Variants in RBMX2 observed in about 807,000 individuals in gnomAD.
RBMX2 encodes RNA binding motif protein X-linked 2.
For missense variants in RBMX2, 191 were observed against 256.0 expected (o/e 0.75, Z 1.73); for synonymous variants, 77 against 94.3 (o/e 0.82, Z 1.07).
In RBMX2 at chrX:130,412,865, G is replaced by A. The variant is rs966407683; in HGVS notation, c.*17G>A. ...CGTCACTGAAGACTTCAGCTGCACA[G>A]TAGATTTGGAAATAATTATGTTTTT... On this transcript the variant is annotated 3_prime_UTR_variant, in exon 6 of 6. Transcript: ENST00000305536. The A allele has an allele frequency of 8.5e-6, 10 of 1,174,539 alleles. No individual in the cohort carries two copies. In the African/African-American group the frequency reaches 1.4e-4, roughly 17 times the overall value.
At chrX:130,402,159 T>G (rs758843941) in intron 1 of RBMX2, 96 bp from the exon 2 acceptor site, 3 of 1,159,662 alleles carry the variant, frequency 2.6e-6, no homozygotes, top group Admixed American at 2.6e-5. Context: ...CTGGAACAGC[T>G]CGTCCCCTAG....
intron 3 of RBMX2, among the ~76,000 whole-genome samples, chrX:130,406,607 A>G (rs1177003134): frequency 1.9e-5 from 2 of 103,468 alleles, no homozygotes; most frequent in African/African-American, 7.2e-5. Context: ...GGGAAGGTGG[A>G]GGTTGCAGTG....
At chrX:130,402,783 C>T (rs2034463097) in intron 2 of RBMX2, among the ~76,000 whole-genome samples, 1 of 111,551 alleles carries the variant, frequency 9.0e-6, no homozygotes, top group Admixed American at 9.5e-5. Context: ...CACCACCCTC[C>T]CCCATTCCCC....
At chrX:130,403,471 C>T (rs887606090) in intron 2 of RBMX2, among the ~76,000 whole-genome samples, 8 of 111,853 alleles carry the variant, frequency 7.2e-5, no homozygotes, top group African/African-American at 2.6e-4. Context: ...TGGGTTCAAG[C>T]GAGTCTCCTG....
chrX:130,411,063 G>T (rs758634639), intron 4 of RBMX2: 20 of 236,713 alleles, frequency 8.4e-5, no homozygotes, highest in African/African-American at 5.7e-4. Context: ...TCATTTTATG[G>T]CACATACAGA....
In RBMX2 at chrX:130,411,334, C is replaced by T; in HGVS notation, c.304-14C>T. The T allele has an allele frequency of 8.7e-7, 1 of 1,151,471 alleles. No homozygotes were observed. The highest frequency in any genetic ancestry group is 2.2e-5 in the South Asian group (1 of 45,830). 94.9% of individuals were successfully genotyped at this position (1,151,471 alleles called of 1,213,427 possible). Reference sequence around the variant, plus strand: ...GAGGGCTGTCTTCACTGAAGCATCGCCTGTCTTGCTTAGATCAAAGGAAGA... The same window carrying T: ...GAGGGCTGTCTTCACTGAAGCATCGTCTGTCTTGCTTAGATCAAAGGAAGA... On this transcript the variant is annotated splice_polypyrimidine_tract_variant and intron_variant, in intron 4 of 5. Transcript: ENST00000305536.
chrX:130,402,069 C>G (rs1357010679), intron 1 of RBMX2, 32 bp downstream of exon 1: 3 of 1,194,034 alleles, frequency 2.5e-6, no homozygotes, highest in Admixed American at 2.3e-5. Flanking sequence ...GAGGAAGGAG[C>G]AGCGGGCCAC....
At chrX:130,411,605 C>A in intron 5 of RBMX2, 80 bp downstream of exon 5, 1 of 925,437 alleles carries the variant, frequency 1.1e-6, no homozygotes, top group South Asian at 3.2e-5. Context: ...AGTTGATAAT[C>A]AACTCAAGTG....
At chrX:130,402,687 C>T (rs1378388932) in intron 2 of RBMX2, among the ~76,000 whole-genome samples, 1 of 111,562 alleles carries the variant, frequency 9.0e-6, no homozygotes, top group Non-Finnish European at 1.9e-5. Flanking sequence ...AAGGGACTTC[C>T]TTAAGGTCAC....
intron 3 of RBMX2, 58 bp from the exon 4 acceptor site, chrX:130,409,199 A>T: frequency 1.9e-6 from 2 of 1,057,099 alleles, no homozygotes; most frequent in South Asian, 4.6e-5. Context: ...TTATTACCTT[A>T]TCTGCATGTT....
At chrX:130,402,224 T>TTCCCCCCCCCC in intron 1 of RBMX2, 31 bp from the exon 2 acceptor site, 1 of 1,174,332 alleles carries the variant, frequency 8.5e-7, no homozygotes, top group Non-Finnish European at 1.1e-6. Flanking sequence ...CTTTTCTGCC[T>TTCCCCCCCCCC]ACCCTCCCCA....
At chrX:130,403,266 C>T (rs1014601243) in intron 2 of RBMX2, among the ~76,000 whole-genome samples, 3 of 112,556 alleles carry the variant, frequency 2.7e-5, no homozygotes, top group African/African-American at 9.7e-5. Context: ...AGATTAGTTT[C>T]GTTAGTGGTG....
At chrX:130,402,224 T>TTACCA in intron 1 of RBMX2, 31 bp from the exon 2 acceptor site, 1 of 1,174,331 alleles carries the variant, frequency 8.5e-7, no homozygotes, top group Non-Finnish European at 1.1e-6. Flanking sequence ...CTTTTCTGCC[T>TTACCA]ACCCTCCCCA....
intron 1 of RBMX2, 27 bp from the exon 2 acceptor site, chrX:130,402,228 C>CAG: frequency 1.9e-6 from 2 of 1,029,119 alleles, no homozygotes; most frequent in Non-Finnish European, 1.3e-6. Context: ...TCTGCCTACC[C>CAG]TCCCCACCCC....
intron 3 of RBMX2, among the ~76,000 whole-genome samples, chrX:130,407,573 T>C (rs898591410): frequency 1.8e-5 from 2 of 111,794 alleles, no homozygotes; most frequent in Admixed American, 9.5e-5. Context: ...ATTTTCTTTT[T>C]ATGACTTTAT....
At chrX:130,402,234 A>ACCCCCCCCCCCCC in intron 1 of RBMX2, 21 bp from the exon 2 acceptor site, 2 of 583,474 alleles carry the variant, frequency 3.4e-6, no homozygotes, top group South Asian at 3.0e-5. Flanking sequence ...TACCCTCCCC[A>ACCCCCCCCCCCCC]CCCCCCCCGC....
chrX:130,403,361 ATTTC>A (rs746004601), intron 2 of RBMX2, among the ~76,000 whole-genome samples: 26 of 111,232 alleles, frequency 2.3e-4, no homozygotes, highest in African/African-American at 5.9e-4. Context: ...GTCAGACTTA[ATTTC>A]TTTCTTTCTT....
rs2034512901 is a variant in RBMX2 at position 130,411,583 on chromosome X, G to A, written c.481+58G>A. 4 of 990,810 alleles carry A rather than the reference G, an allele frequency of 4.0e-6. No homozygotes were observed. The African/African-American group carries it at 5.9e-5, about 14-fold the overall frequency. 81.7% of individuals were successfully genotyped at this position (990,810 alleles called of 1,213,427 possible). On this transcript the variant is annotated intron_variant, in intron 5 of 5. Transcript: ENST00000305536. ...GTGGTCTTAATGTCTGCTCTTCCTT[G>A]CATTCACTGATAGTTGATAATCAAC...
chrX:130,402,225 A>ACCCG, intron 1 of RBMX2, 30 bp from the exon 2 acceptor site: 1 of 984,797 alleles, frequency 1.0e-6, no homozygotes, highest in Non-Finnish European at 1.4e-6. Flanking sequence ...TTTTCTGCCT[A>ACCCG]CCCTCCCCAC....
Sources: gnomAD v4.1 joint callset for allele counts (sites outside exome capture counted in the v4.1 genomes callset) on GRCh38, gnomAD v4.1.1 for gene constraint, MANE v1.5 for transcripts, NCBI Gene and HGNC (gene_info 2026-07-23, HGNC 2026-07-21) for gene names.